MYRFL: variants seen among roughly 807,000 people sequenced by gnomAD.
The protein encoded by MYRFL is myelin regulatory factor-like protein.
MYRFL carries 88 observed loss-of-function variants against 109.4 expected under a neutral mutation model. The ratio of observed to expected loss-of-function variants is 0.80; its 90% CI spans 0.68 to 0.96. The LOEUF (loss-of-function observed/expected upper bound fraction) is 0.96. Ranked by LOEUF, MYRFL falls within the 40% of genes least tolerant of loss-of-function variation. MYRFL has a pLI of 0.00. For missense variants in MYRFL, 957 were observed against 954.9 expected, an observed-to-expected ratio of 1.00 and a Z score of -0.03; for synonymous variants, 324 against 320.9, an observed-to-expected ratio of 1.01 and a Z score of -0.10.
At chr12:69,834,448 AT>A (rs1418284816) in intron 1 of MYRFL, among the ~76,000 whole-genome samples, 4 of 152,164 alleles carry the variant, frequency 2.6e-5, no homozygotes, top group African/African-American at 9.7e-5. Context: ...TTGGCTTTGA[AT>A]CCTGGTTTCT....
chr12:69,910,225 G>T (rs1954514334), intron 12 of MYRFL, 148 bp downstream of exon 12: 1 of 616,446 alleles, frequency 1.6e-6, no homozygotes, highest in African/African-American at 1.9e-5. Context: ...ACTAGAACAG[G>T]AAAGGTTAAA....
In MYRFL at chr12:69,879,256, C is replaced by T. The variant is rs916008714; in HGVS notation, c.267C>T (p.Pro89=). 2.8e-6 allele frequency: 2 copies of T among 702,904 alleles called. No homozygotes were observed. Among genetic ancestry groups the T allele is most frequent in the Admixed American group, 2.0e-5 (1 of 50,014 alleles). 43.5% of individuals were successfully genotyped at this position (702,904 alleles called of 1,614,324 possible). A position where few individuals can be genotyped will look rare whatever the true frequency, so the allele number is the denominator to read the frequency against. ...AGRTPAPFLH[P]TAAPAMPPMH... ...GGACTCCAGCTCCTTTTCTCCACCC[C>T]ACAGCTGCTCCTGCGATGCCGCCCA... Residue 89 remains proline, a synonymous_variant, in exon 4 of 25, where the codon CCC becomes CCT. Coordinates refer to ENST00000552032, the MANE Select transcript of MYRFL (RefSeq NM_182530.3).
At chr12:69,949,328 A>G (rs1348175262) in intron 19 of MYRFL, among the ~76,000 whole-genome samples, 4 of 152,152 alleles carry the variant, frequency 2.6e-5, no homozygotes, top group Non-Finnish European at 5.9e-5. Context: ...TGCTTTCACT[A>G]TCTACTTTAA....
At chr12:69,880,392 C>A in intron 5 of MYRFL, 100 bp downstream of exon 5, 1 of 614,776 alleles carries the variant, frequency 1.6e-6, no homozygotes, top group Non-Finnish European at 2.9e-6. Context: ...AAAAGTTTCC[C>A]TCTCACAGAA....
intron 2 of MYRFL, among the ~76,000 whole-genome samples, chr12:69,860,709 T>A (rs1158543788): frequency 6.6e-6 from 1 of 152,124 alleles, no homozygotes. Flanking sequence ...GATTGCCTTT[T>A]AAACTCTTCA....
chr12:69,944,449 C>G (rs1955765409), intron 19 of MYRFL, among the ~76,000 whole-genome samples: 1 of 146,016 alleles, frequency 6.8e-6, no homozygotes, highest in Admixed American at 6.9e-5. Flanking sequence ...AAACCAAACA[C>G]CACATATTCT....
At chr12:69,941,865 C>T (rs1389054605) in intron 19 of MYRFL, among the ~76,000 whole-genome samples, 1 of 150,688 alleles carries the variant, frequency 6.6e-6, no homozygotes, top group Admixed American at 6.6e-5. Flanking sequence ...CACCACCGAT[C>T]CCACAGAAAT....
intron 1 of MYRFL, among the ~76,000 whole-genome samples, chr12:69,839,503 A>T (rs1883127564): frequency 6.6e-6 from 1 of 152,106 alleles, no homozygotes; most frequent in Non-Finnish European, 1.5e-5. Flanking sequence ...TTCTTCTGCT[A>T]TTTTTTACAA....
chr12:69,945,866 A>C (rs1206456501), intron 19 of MYRFL, among the ~76,000 whole-genome samples: 3 of 148,520 alleles, frequency 2.0e-5, no homozygotes, highest in African/African-American at 7.4e-5. Context: ...GGGCGCCTGT[A>C]GTCCCAGCTA....
rs145272290 is a variant in MYRFL at position 69,864,015 on chromosome 12, A to T, written c.137+8645A>T. Among the ~76,000 whole-genome samples the T allele has an allele frequency of 3.8e-3, 577 of 152,302 alleles. 6 individuals carry two copies. The highest frequency in any genetic ancestry group is 0.013 in the African/African-American group (554 of 41,556). On this transcript the variant is annotated intron_variant, in intron 2 of 24. Coordinates refer to ENST00000552032, the MANE Select transcript of MYRFL (RefSeq NM_182530.3). ...CCATGGTTTCTGATGAAAAATAAACAGCTATTTGAATCATTGTTCCCTTGT... is the reference window on the plus strand; with the variant it reads ...CCATGGTTTCTGATGAAAAATAAACTGCTATTTGAATCATTGTTCCCTTGT...
At position 69,844,871 on chromosome 12, in the gene MYRFL, G is replaced by T. The variant is rs377504548; in HGVS notation, c.47-10409G>T. On this transcript the variant is annotated intron_variant, in intron 1 of 24. Coordinates refer to ENST00000552032, the MANE Select transcript of MYRFL (RefSeq NM_182530.3). Reference sequence around the variant, plus strand: ...TTTAAATTGATCTCCTTCTCTTCTCGTCCCCTTATAATCTTCCCACAAGCA... The same window carrying T: ...TTTAAATTGATCTCCTTCTCTTCTCTTCCCCTTATAATCTTCCCACAAGCA... Among the ~76,000 whole-genome samples the T allele has an allele frequency of 5.9e-4, 90 of 152,052 alleles. 1 individual carries two copies. In the South Asian group the frequency reaches 0.017, roughly 29 times the overall value.
intron 2 of MYRFL, among the ~76,000 whole-genome samples, chr12:69,878,612 T>C (rs1287764890): frequency 2.0e-5 from 3 of 152,338 alleles, no homozygotes; most frequent in South Asian, 4.1e-4. Flanking sequence ...ATATTTGTCC[T>C]TTATAAGAAG....
rs1428729840 is a variant in MYRFL, at chr12:69,936,606, A to T, written c.2198A>T (p.Lys733Met). The T allele has an allele frequency of 6.5e-7, 1 of 1,531,958 alleles. No homozygotes were observed. Among genetic ancestry groups the T allele is most frequent in the Admixed American group, 2.0e-5 (1 of 50,640 alleles). The allele number at this position is 1,531,958 out of a possible 1,614,324, so 94.9% of individuals were successfully genotyped here. A position where few individuals can be genotyped will look rare whatever the true frequency, so the allele number is the denominator to read the frequency against. The change falls in exon 19 of 25, where the codon AAG becomes ATG. Residue 733 changes from lysine to methionine, a missense_variant. Physicochemically the swap from Lys to Met is moderately conservative, Grantham distance 95 (BLOSUM62 -1). Transcript: ENST00000552032. Reference sequence around the variant, plus strand: ...CCTGTGCAAAGACAATCTGAGGAGAAGGAATTCCATCAGAGGCGATGGTCA... The same window carrying T: ...CCTGTGCAAAGACAATCTGAGGAGATGGAATTCCATCAGAGGCGATGGTCA... Reference protein sequence around the residue: ...SSPVQRQSEEKEFHQRRWSED... With the variant: ...SSPVQRQSEEMEFHQRRWSED...
chr12:69,934,216 C>A (rs1353253432), intron 16 of MYRFL, among the ~76,000 whole-genome samples: 7 of 152,190 alleles, frequency 4.6e-5, no homozygotes, highest in Non-Finnish European at 1.0e-4. Context: ...TCTACTTGGC[C>A]CGCTGTGGTC....
At chr12:69,827,130 C>T (rs1882330562) in intron 1 of MYRFL, among the ~76,000 whole-genome samples, 1 of 151,972 alleles carries the variant, frequency 6.6e-6, no homozygotes. Context: ...TCTAATCAAA[C>T]ACCATCTCAT....
At chr12:69,939,541 T>G (rs1487146691) in intron 19 of MYRFL, among the ~76,000 whole-genome samples, 1 of 152,032 alleles carries the variant, frequency 6.6e-6, no homozygotes, top group African/African-American at 2.4e-5. Flanking sequence ...AACCCATCTG[T>G]ACATCACCAT....
chr12:69,948,277 C>T (rs1288012477), intron 19 of MYRFL, among the ~76,000 whole-genome samples: 1 of 152,136 alleles, frequency 6.6e-6, no homozygotes. Flanking sequence ...TTTGAAAAAT[C>T]ATTTTTATAA....
At chr12:69,946,200 A>G (rs925725102) in intron 19 of MYRFL, among the ~76,000 whole-genome samples, 2 of 151,946 alleles carry the variant, frequency 1.3e-5, no homozygotes, top group Non-Finnish European at 2.9e-5. Flanking sequence ...GAAAGAAGTG[A>G]TTCCCAAGGA....
At chr12:69,939,690 G>A (rs8016101) in intron 19 of MYRFL, among the ~76,000 whole-genome samples, 37,936 of 151,912 alleles carry the variant, frequency 0.25, 5,228 homozygotes, top group South Asian at 0.37. Context: ...AAAGCTGGAC[G>A]GAGAATGACT....
Sources: gnomAD v4.1 joint callset for allele counts (sites outside exome capture counted in the v4.1 genomes callset) on GRCh38, gnomAD v4.1.1 for gene constraint, MANE v1.5 for transcripts, NCBI Gene and HGNC (gene_info 2026-07-23, HGNC 2026-07-21) for gene names.